Variants in CMSS1 observed in about 807,000 individuals in gnomAD.
The protein encoded by CMSS1 is cms1 ribosomal small subunit homolog.
CMSS1 carries 33 observed loss-of-function variants against 43.5 expected under a neutral mutation model. That is an observed-to-expected ratio of 0.76 (90% CI 0.57 to 1.01). The LOEUF (loss-of-function observed/expected upper bound fraction) is 1.01. Among genes scored for constraint, CMSS1 ranks in the 50% least tolerant of loss-of-function variants. CMSS1 has a pLI of 0.00. For missense variants in CMSS1, 313 were observed against 326.4 expected, an observed-to-expected ratio of 0.96 and a Z score of 0.32; for synonymous variants, 115 against 117.2, an observed-to-expected ratio of 0.98 and a Z score of 0.12.
rs1380597827 is a variant in CMSS1, at chr3:100,180,830, G to A, written c.*2442G>A. ...CCCACTTCTCTGGTACCAATTTTTT[G>A]TATTCTTCCATTTTTACACTGCTAT... On this transcript the variant is annotated 3_prime_UTR_variant, in exon 10 of 10. Transcript: ENST00000421999. The A allele has an allele frequency of 1.3e-5, 2 of 152,038 alleles. No homozygotes were observed. The highest frequency in any genetic ancestry group is 2.9e-5 in the Non-Finnish European group (2 of 68,016). 9.4% of individuals were successfully genotyped at this position (152,038 alleles called of 1,614,324 possible). A position where few individuals can be genotyped will look rare whatever the true frequency, so the allele number is the denominator to read the frequency against.
chr3:99,848,638 G>C lies in CMSS1; in HGVS notation c.64+30595G>C, dbSNP rs748039430. 3 of 1,614,188 alleles carry C rather than the reference G, an allele frequency of 1.9e-6. No homozygotes were observed. In the Admixed American group the frequency reaches 5.0e-5, roughly 27 times the overall value. ...TTCTGGGGAGCGTCCCTGCTCAGGA[G>C]AGCTAGCTGAACCAGTCACAGCCAA... On this transcript the variant is annotated intron_variant, in intron 1 of 9. Transcript: ENST00000421999.
intron 1 of CMSS1, among the ~76,000 whole-genome samples, chr3:100,128,426 C>T (rs2066679984): frequency 1.3e-5 from 2 of 152,158 alleles, no homozygotes; most frequent in South Asian, 4.1e-4. Flanking sequence ...ATAAACATAA[C>T]ATATGGTAGA....
chr3:100,090,239 ATTG>A (rs2066080752), intron 1 of CMSS1, among the ~76,000 whole-genome samples: 1 of 152,242 alleles, frequency 6.6e-6, no homozygotes, highest in East Asian at 1.9e-4. Flanking sequence ...GCTGTTTGCT[ATTG>A]TTTTCTTCAA....
chr3:99,876,038 C>T (rs909409475), intron 1 of CMSS1: 15 of 985,484 alleles, frequency 1.5e-5, no homozygotes, highest in African/African-American at 3.5e-5. Context: ...CAGCAGTGCC[C>T]CTTGGTGGAG....
chr3:100,116,388 GCTCAAATGAT>G (rs2066569706), intron 1 of CMSS1, among the ~76,000 whole-genome samples: 1 of 152,012 alleles, frequency 6.6e-6, no homozygotes, highest in South Asian at 2.1e-4. Flanking sequence ...TTATTTTAAT[GCTCAAATGAT>G]CTCAGATGTG....
intron 1 of CMSS1, among the ~76,000 whole-genome samples, chr3:100,046,186 T>C (rs910446451): frequency 1.3e-5 from 2 of 152,178 alleles, no homozygotes; most frequent in Admixed American, 6.5e-5. Flanking sequence ...GATAACTCTA[T>C]GAATCTAATC....
chr3:99,908,450 A>G (rs1333128492), intron 1 of CMSS1, among the ~76,000 whole-genome samples: 2 of 152,166 alleles, frequency 1.3e-5, no homozygotes, highest in Non-Finnish European at 1.5e-5. Flanking sequence ...CTCATTCAGT[A>G]TGTTTGGGGT....
At chr3:100,143,370 G>C (rs1305085248) in intron 1 of CMSS1, among the ~76,000 whole-genome samples, 3 of 152,156 alleles carry the variant, frequency 2.0e-5, no homozygotes, top group Admixed American at 2.0e-4. Context: ...CAAAGCTTTG[G>C]CCTTTCATTA....
intron 1 of CMSS1, chr3:99,849,016 A>C (rs776867482): frequency 1.2e-6 from 2 of 1,614,048 alleles, no homozygotes; most frequent in African/African-American, 2.7e-5. Flanking sequence ...TCCAGGTTGC[A>C]CAAAGTTGGC....
chr3:100,114,807 C>A, intron 1 of CMSS1: 1 of 580,574 alleles, frequency 1.7e-6, no homozygotes, highest in Non-Finnish European at 3.0e-6. Context: ...TGATGTAAGC[C>A]TTGTTTGTGA....
intron 1 of CMSS1, chr3:100,141,546 T>C (rs1265690906): frequency 2.2e-6 from 1 of 456,188 alleles, no homozygotes; most frequent in Admixed American, 2.4e-5. Flanking sequence ...TCCCAGTGTC[T>C]TCAAGAGTTT....
chr3:99,992,025 TAC>T (rs1460432219), intron 1 of CMSS1, among the ~76,000 whole-genome samples: 5 of 150,702 alleles, frequency 3.3e-5, no homozygotes, highest in Non-Finnish European at 5.9e-5. Context: ...TATATATATA[TAC>T]GTGTATATAT....
intron 1 of CMSS1, among the ~76,000 whole-genome samples, chr3:99,913,931 C>G (rs914440844): frequency 2.0e-5 from 3 of 152,040 alleles, no homozygotes; most frequent in South Asian, 4.1e-4. Context: ...CTGAGAAATT[C>G]ATGGAAATAA....
intron 1 of CMSS1, among the ~76,000 whole-genome samples, chr3:99,987,212 G>A (rs950437391): frequency 2.9e-5 from 4 of 138,616 alleles, no homozygotes; most frequent in African/African-American, 1.1e-4. Flanking sequence ...CTGGGGGACA[G>A]AGTAAGACCC....
At chr3:100,148,389 T>G (rs2066873070) in intron 2 of CMSS1, among the ~76,000 whole-genome samples, 1 of 152,218 alleles carries the variant, frequency 6.6e-6, no homozygotes, top group South Asian at 2.1e-4. Context: ...TTATGTGTGA[T>G]CTTTTAAAGG....
At chr3:100,091,854 G>A (rs1439988385) in intron 1 of CMSS1, among the ~76,000 whole-genome samples, 1 of 152,126 alleles carries the variant, frequency 6.6e-6, no homozygotes, top group Non-Finnish European at 1.5e-5. Context: ...CCGATTCCAC[G>A]TTGGGCCTGA....
chr3:100,133,957 A>G (rs780055702), intron 1 of CMSS1, among the ~76,000 whole-genome samples: 4 of 152,336 alleles, frequency 2.6e-5, no homozygotes, highest in African/African-American at 7.2e-5. Flanking sequence ...GGGATACATT[A>G]TGTATTAATA....
chr3:100,128,073 C>G (rs1220425620), intron 1 of CMSS1, among the ~76,000 whole-genome samples: 1 of 152,220 alleles, frequency 6.6e-6, no homozygotes, highest in African/African-American at 2.4e-5. Context: ...CATGCCTTGT[C>G]AAGCCTGGGC....
At chr3:100,015,127 C>T (rs1710303654) in intron 1 of CMSS1, among the ~76,000 whole-genome samples, 1 of 151,670 alleles carries the variant, frequency 6.6e-6, no homozygotes, top group African/African-American at 2.4e-5. Context: ...CCAGTTTTCC[C>T]TGCACCATTT....
Sources: allele counts gnomAD v4.1 joint callset (sites outside exome capture counted in the v4.1 genomes callset), GRCh38; gene constraint gnomAD v4.1.1; transcripts MANE v1.5; gene names NCBI Gene and HGNC (gene_info 2026-07-23, HGNC 2026-07-21).